TROAP: variants seen among roughly 807,000 people sequenced by gnomAD.
TROAP encodes trophinin associated protein.
Under a neutral mutation model 83.4 loss-of-function variants are expected in TROAP, and 62 were observed. The ratio of observed to expected loss-of-function variants is 0.74; its 90% CI spans 0.61 to 0.92. TROAP has a LOEUF of 0.92. Among genes scored for constraint, TROAP ranks in the 40% least tolerant of loss-of-function variants. The pLI, the probability that TROAP is intolerant of heterozygous loss-of-function variation, is 0.00. For synonymous variants in TROAP, 352 were observed against 386.4 expected, an observed-to-expected ratio of 0.91 and a Z score of 1.04; for missense variants, 876 against 985.1, an observed-to-expected ratio of 0.89 and a Z score of 1.48.
Position 49,323,702 on chromosome 12 carries a change from T to G in TROAP, c.94T>G (p.Phe32Val). Reference protein sequence around the residue: ...IPVRSQKRTPFPTVTSCAVDQ... With the variant: ...IPVRSQKRTPVPTVTSCAVDQ... The stretch of plus-strand genomic sequence containing the variant: ...GGTACGCTCTCAGAAACGCACGCCT[T>G]TCCCCACTGTTACATCGTGCGCCGT... Residue 32 changes from phenylalanine (F) to valine (V), a missense_variant, in exon 2 of 15, where the codon TTC (phenylalanine) becomes GTC (valine). Around this residue, in one of 3 missense-constraint regions of TROAP, gnomAD observed 689 missense variants for 722.6 expected, o/e 0.95. Coordinates refer to ENST00000257909, the MANE Select transcript of TROAP (RefSeq NM_005480.4). The G allele has an allele frequency of 6.2e-7, 1 of 1,614,126 alleles. No homozygotes were observed. The highest frequency in any genetic ancestry group is 8.5e-7 in the Non-Finnish European group (1 of 1,180,022).
chr12:49,330,830 G>A lies in TROAP; in HGVS notation c.1985G>A (p.Cys662Tyr). ...RSLESSLPPCCSQWAPATTSL... is the reference protein window; with the variant it reads ...RSLESSLPPCYSQWAPATTSL... Reference sequence around the variant, plus strand: ...CTAGAGTCCAGTCTACCACCCTGCTGCAGTCAGTGGGCTCCAGCAACCACC... The same window carrying A: ...CTAGAGTCCAGTCTACCACCCTGCTACAGTCAGTGGGCTCCAGCAACCACC... The change falls in exon 13 of 15, where the codon TGC (cysteine) becomes TAC (tyrosine). Residue 662 changes from cysteine (C) to tyrosine (Y), a missense_variant. Cys to Tyr is a radical substitution (Grantham distance 194). Around this residue, in one of 3 missense-constraint regions of TROAP, gnomAD observed 184 missense variants for 238.3 expected, o/e 0.77. Transcript: ENST00000257909. 1 of 1,613,548 alleles carries A rather than the reference G, an allele frequency of 6.2e-7. No individual in the cohort carries two copies. The highest frequency in any genetic ancestry group is 2.2e-5 in the East Asian group (1 of 44,882).
chr12:49,326,209 G>C, intron 6 of TROAP, 51 bp downstream of exon 6: 2 of 1,583,272 alleles, frequency 1.3e-6, no homozygotes, highest in Non-Finnish European at 1.7e-6. Context: ...GAATGAACCA[G>C]TGTCTGATAC....
chr12:49,324,773 C>G (rs992459710), intron 3 of TROAP, among the ~76,000 whole-genome samples: 4 of 150,046 alleles, frequency 2.7e-5, no homozygotes, highest in Non-Finnish European at 4.4e-5. Flanking sequence ...CTCTATCCCT[C>G]AGGCTAGAGT....
At chr12:49,331,508 C>T in intron 14 of TROAP, 65 bp from the exon 15 acceptor site, 1 of 1,613,520 alleles carries the variant, frequency 6.2e-7, no homozygotes, top group South Asian at 1.1e-5. Flanking sequence ...ACAGAGAGGT[C>T]AGCAGGAAGG....
At chr12:49,326,803 C>A (rs2137067497) in intron 7 of TROAP, 83 bp downstream of exon 7, 2 of 1,466,052 alleles carry the variant, frequency 1.4e-6, no homozygotes, top group South Asian at 1.2e-5. Context: ...ACTCAGCAGG[C>A]TGGGAGGGAG....
chr12:49,330,375 G>A lies in TROAP; in HGVS notation c.1530G>A (p.Gly510=), dbSNP rs1358111567. 7 of 1,614,030 alleles carry A rather than the reference G, an allele frequency of 4.3e-6. No individual in the cohort carries two copies. In the South Asian group the frequency reaches 4.4e-5, roughly 10 times the overall value. ...LPKPCLPEEC[G]EPQPCPPAEP... ...AGCCCTGTCTTCCAGAGGAGTGCGG[G>A]GAACCACAGCCCTGCCCTCCGGCAG... The change falls in exon 13 of 15, where the codon GGG becomes GGA. Residue 510 remains glycine, a synonymous_variant. Coordinates refer to ENST00000257909, the MANE Select transcript of TROAP (RefSeq NM_005480.4).
chr12:49,323,745 A>T lies in TROAP; in HGVS notation c.137A>T (p.Asp46Val), dbSNP rs755810246. The T allele has an allele frequency of 1.9e-5, 30 of 1,613,956 alleles. No individual in the cohort carries two copies. Among genetic ancestry groups the T allele is most frequent in the Non-Finnish European group, 2.2e-5 (26 of 1,180,010 alleles). ...TSCAVDQENQ[D>V]PRRWVQKPPL... is the part of the protein sequence containing the mutation. ...TGCGCCGTGGACCAGGAGAACCAAG[A>T]TCCAAGGGTAAGAGGGGCCTAATGG... Residue 46 changes from aspartate to valine, a missense_variant, in exon 2 of 15, where the codon GAT becomes GTT. This residue lies in a region of TROAP where 689 missense variants were observed against 722.6 expected (regional missense o/e 0.95). Transcript: ENST00000257909.
rs780956994 is a variant in TROAP at position 49,330,255 on chromosome 12, C to G, written c.1410C>G (p.Pro470=). The G allele has an allele frequency of 1.2e-6, 2 of 1,614,106 alleles. No homozygotes were observed. Among genetic ancestry groups the G allele is most frequent in the Non-Finnish European group, 1.7e-6 (2 of 1,180,004 alleles). The change falls in exon 13 of 15, where the codon CCC becomes CCG. Residue 470 remains proline, a synonymous_variant. Transcript: ENST00000257909. ...CTCTGGATATGGTTGAACTTCAGCC[C>G]CTGCTGACTGAGATTTCTAGAACTC... ...GSSLDMVELQ[P]LLTEISRTLN...
At chr12:49,328,214 C>CTTTT (rs981259606) in intron 8 of TROAP, among the ~76,000 whole-genome samples, 4 of 77,364 alleles carry the variant, frequency 5.2e-5, no homozygotes, top group Admixed American at 1.3e-4. Flanking sequence ...TGACTTAGGT[C>CTTTT]TTTTTTTTTT....
In TROAP at chr12:49,324,027, T is replaced by A; in HGVS notation, c.327T>A (p.Pro109=). The A allele has an allele frequency of 6.2e-7, 1 of 1,613,232 alleles. No individual in the cohort carries two copies. Among genetic ancestry groups the A allele is most frequent in the Non-Finnish European group, 8.5e-7 (1 of 1,179,460 alleles). The part of the protein sequence containing the change: ...PRGQNVGPGP[P]AQTEAPGTIE... ...GTCAAAATGTGGGGCCTGGGCCCCC[T>A]GCCCAGACAGGTACCTGTTGGAGCC... The change falls in exon 3 of 15, where the codon CCT becomes CCA. Residue 109 remains proline (P), a synonymous_variant. Transcript: ENST00000257909.
rs1361445734 is a variant in TROAP, at chr12:49,326,707, C to A, written c.756C>A (p.Thr252=). The A allele has an allele frequency of 1.9e-6, 3 of 1,561,996 alleles. No individual in the cohort carries two copies. Among genetic ancestry groups the A allele is most frequent in the East Asian group, 4.8e-5 (2 of 41,928 alleles). The part of the protein sequence containing the change: ...VSQASGLLLE[T]PVQPAFSLPK... The stretch of plus-strand genomic sequence containing the variant: ...AGGCCTCAGGATTGCTCCTGGAGAC[C>A]CCAGTCCAGCCTGGTAAGTGTTTCT... Residue 252 remains threonine, a synonymous_variant, in exon 7 of 15, where the codon ACC becomes ACA. Transcript: ENST00000257909.
chr12:49,328,568 A>C (rs1275671195), intron 8 of TROAP, among the ~76,000 whole-genome samples: 2 of 151,980 alleles, frequency 1.3e-5, no homozygotes, highest in Non-Finnish European at 2.9e-5. Flanking sequence ...TAGTGAGAAC[A>C]CGATATAGGA....
In TROAP at chr12:49,325,533, C is replaced by G; in HGVS notation, c.370C>G (p.Pro124Ala). The G allele has an allele frequency of 6.2e-7, 1 of 1,613,970 alleles. No individual in the cohort carries two copies. Among genetic ancestry groups the G allele is most frequent in the Non-Finnish European group, 8.5e-7 (1 of 1,180,010 alleles). The change falls in exon 4 of 15, where the codon CCT (proline) becomes GCT (alanine). Residue 124 changes from proline (P) to alanine (A), a missense_variant. Physicochemically the swap from Pro to Ala is conservative, Grantham distance 27. Coordinates refer to ENST00000257909, the MANE Select transcript of TROAP (RefSeq NM_005480.4). ...AGGGACCATAGAGTTTGTGGCTGAC[C>G]CTGCAGCCCTGGCCACCATCCTGTC... ...APGTIEFVAD[P>A]AALATILSGE...
rs994412498 is a variant in TROAP, at chr12:49,330,236, A to G, written c.1391A>G (p.Asp464Gly). Reference sequence around the variant, plus strand: ...CCTCTTAATGGAGGCTCTTCTCTGGATATGGTTGAACTTCAGCCCCTGCTG... The same window carrying G: ...CCTCTTAATGGAGGCTCTTCTCTGGGTATGGTTGAACTTCAGCCCCTGCTG... ...CVPLNGGSSL[D>G]MVELQPLLTE... The change falls in exon 13 of 15, where the codon GAT (aspartate) becomes GGT (glycine). Residue 464 changes from aspartate (D) to glycine (G), a missense_variant. Asp to Gly is a moderately conservative substitution (Grantham distance 94). Coordinates refer to ENST00000257909, the MANE Select transcript of TROAP (RefSeq NM_005480.4). The G allele has an allele frequency of 6.2e-7, 1 of 1,614,102 alleles. No homozygotes were observed. The highest frequency in any genetic ancestry group is 8.5e-7 in the Non-Finnish European group (1 of 1,179,998).
At chr12:49,323,531 G>A in intron 1 of TROAP, 73 bp from the exon 2 acceptor site, 2 of 1,562,706 alleles carry the variant, frequency 1.3e-6, no homozygotes, top group East Asian at 2.3e-5. Context: ...AGGGATGGCA[G>A]GACAGGTGCC....
intron 1 of TROAP, 116 bp downstream of exon 1, chr12:49,323,465 G>A: frequency 8.7e-7 from 1 of 1,153,010 alleles, no homozygotes; most frequent in Non-Finnish European, 1.2e-6. Context: ...GCACCCATAA[G>A]AGCGGTCTTG....
rs771061316 is a variant in TROAP, at chr12:49,323,619, G to A, written c.11G>A (p.Arg4Gln). 9.3e-6 allele frequency: 15 copies of A among 1,613,726 alleles called. No homozygotes were observed. The highest frequency in any genetic ancestry group is 1.6e-4 in the Middle Eastern group (1 of 6,082). The change falls in exon 2 of 15, where the codon CGG becomes CAG. Residue 4 changes from arginine to glutamine, a missense_variant. Transcript: ENST00000257909. The part of the protein sequence containing the change: MTT[R>Q]QATKDPLLRG... ...TCAATTGTAGCCATCATGACCACCCGGCAAGCCACGAAGGATCCCCTCCTC... is the reference window on the plus strand; with the variant it reads ...TCAATTGTAGCCATCATGACCACCCAGCAAGCCACGAAGGATCCCCTCCTC...
intron 5 of TROAP, 32 bp downstream of exon 5, chr12:49,325,916 C>T (rs1393631614): frequency 6.2e-7 from 1 of 1,606,546 alleles, no homozygotes; most frequent in Admixed American, 1.7e-5. Flanking sequence ...ATAGTCGGTG[C>T]TTCTGGGAGC....
intron 1 of TROAP, 81 bp from the exon 2 acceptor site, chr12:49,323,523 G>A: frequency 2.6e-6 from 4 of 1,549,130 alleles, no homozygotes; most frequent in Non-Finnish European, 2.6e-6. Flanking sequence ...GAGGTATCAG[G>A]GATGGCAGGA....
Sources: allele counts gnomAD v4.1 joint callset (sites outside exome capture counted in the v4.1 genomes callset), GRCh38; gene constraint gnomAD v4.1.1; regional missense constraint gnomAD v4.1.1; transcripts MANE v1.5; gene names NCBI Gene and HGNC (gene_info 2026-07-23, HGNC 2026-07-21).